Variants in TMEM67 observed in about 807,000 individuals in gnomAD.
The protein encoded by TMEM67 is meckelin.
TMEM67 carries 124 observed loss-of-function variants against 136.6 expected under a neutral mutation model. That is an observed-to-expected ratio of 0.91 (90% confidence interval 0.78 to 1.05). The LOEUF (loss-of-function observed/expected upper bound fraction) is 1.05, where lower values mean the gene tolerates loss of function less well. Among genes scored for constraint, TMEM67 ranks in the 50% least tolerant of loss-of-function variants. The pLI, the probability that TMEM67 is intolerant of heterozygous loss-of-function variation, is 0.00. For synonymous variants in TMEM67, 364 were observed against 390.5 expected (o/e 0.93, Z 0.80); for missense variants, 1,107 against 1,178.4 (o/e 0.94, Z 0.89).
At chr8:93,788,529 TCC>T (rs1814225128) in intron 14 of TMEM67, among the ~76,000 whole-genome samples, 1 of 152,162 alleles carries the variant, frequency 6.6e-6, no homozygotes, top group South Asian at 2.1e-4. Context: ...GCCACTGCAC[TCC>T]AGCCTGGGCG....
chr8:93,816,547 T>G lies in TMEM67; in HGVS notation c.*95T>G. 1.5e-6 allele frequency: 1 copy of G among 666,422 alleles called. No homozygotes were observed. Among genetic ancestry groups the G allele is most frequent in the Non-Finnish European group, 2.7e-6 (1 of 368,682 alleles). 41.3% of individuals were successfully genotyped at this position (666,422 alleles called of 1,614,324 possible). ...TTGCCATATTTTTTAAAACTTATAA[T>G]GCAGACTATTCTGTTTTTGTTTTTT... is the stretch of plus-strand genomic sequence containing the variant. On this transcript the variant is annotated 3_prime_UTR_variant, in exon 28 of 28. Transcript: ENST00000453321.
chr8:93,793,638 A>G (rs1435645146), intron 16 of TMEM67, among the ~76,000 whole-genome samples: 2 of 152,118 alleles, frequency 1.3e-5, no homozygotes, highest in Non-Finnish European at 2.9e-5. Context: ...CTTCATATAC[A>G]TTTTAATCGT....
intron 22 of TMEM67, among the ~76,000 whole-genome samples, chr8:93,804,305 CTTTTCT>C (rs1441788330): frequency 1.1e-5 from 1 of 90,074 alleles, no homozygotes; most frequent in Admixed American, 1.4e-4. Flanking sequence ...TTTCTCTTTT[CTTTTCT>C]TTTTTTTTTT....
In TMEM67 at chr8:93,769,232, G is replaced by A. The variant is rs559161300; in HGVS notation, c.652-3357G>A. Among the ~76,000 whole-genome samples, 13 of 152,314 alleles carry A rather than the reference G, an allele frequency of 8.5e-5. No individual in the cohort carries two copies. In the East Asian group the frequency reaches 2.3e-3, roughly 27 times the overall value. On this transcript the variant is annotated intron_variant, in intron 6 of 27. Coordinates refer to ENST00000453321, the MANE Select transcript of TMEM67 (RefSeq NM_153704.6). ...ACCTTGAAGAAGGGCTGCCTGCAAG[G>A]CAACGGCCATAGGAGGCGAGCAAGG...
At chr8:93,758,842 T>G in intron 3 of TMEM67, 1 of 394,192 alleles carries the variant, frequency 2.5e-6, no homozygotes, top group Non-Finnish European at 4.6e-6. Flanking sequence ...CGAGAGATCT[T>G]CCTGCCTCAG....
At chr8:93,782,277 C>A in intron 10 of TMEM67, 118 bp from the exon 11 acceptor site, 2 of 774,708 alleles carry the variant, frequency 2.6e-6, no homozygotes, top group Non-Finnish European at 4.4e-6. Context: ...CTTTTCATAT[C>A]CTTGATACAT....
intron 12 of TMEM67, 107 bp downstream of exon 12, chr8:93,785,485 C>A (rs1040227117): frequency 2.5e-6 from 3 of 1,181,412 alleles, no homozygotes; most frequent in Non-Finnish European, 2.5e-6. Context: ...GTCATGAATT[C>A]TCTCTTATGT....
intron 18 of TMEM67, 52 bp downstream of exon 18, chr8:93,796,039 A>G (rs776803349): frequency 6.1e-6 from 7 of 1,150,490 alleles, no homozygotes; most frequent in Admixed American, 5.4e-5. Flanking sequence ...TAATGAACTA[A>G]CAAGTCTTTA....
chr8:93,770,220 G>A (rs1813270303), intron 6 of TMEM67, among the ~76,000 whole-genome samples: 1 of 152,030 alleles, frequency 6.6e-6, no homozygotes, highest in African/African-American at 2.4e-5. Flanking sequence ...TTATCTCTCT[G>A]TATATATGTA....
chr8:93,763,835 T>C lies in TMEM67; in HGVS notation c.407-7T>C, dbSNP rs753153037. 3 of 1,598,514 alleles carry C rather than the reference T, an allele frequency of 1.9e-6. No homozygotes were observed. The highest frequency in any genetic ancestry group is 2.2e-5 in the South Asian group (2 of 90,712). On this transcript the variant is annotated splice_region_variant and splice_polypyrimidine_tract_variant and intron_variant, in intron 3 of 27. Transcript: ENST00000453321. ...TTACATCTTTATTTTGTTTCTAAAC[T>C]GTTCAGTGGAAAGAGACATTAATGG...
At chr8:93,808,539 A>AATAT (rs1808555313) in intron 23 of TMEM67, among the ~76,000 whole-genome samples, 1 of 89,930 alleles carries the variant, frequency 1.1e-5, no homozygotes, top group African/African-American at 3.5e-5. Flanking sequence ...ATATATCTAT[A>AATAT]ATCTATATAT....
chr8:93,799,061 C>A (rs536195651), intron 20 of TMEM67, among the ~76,000 whole-genome samples: 10 of 151,544 alleles, frequency 6.6e-5, no homozygotes, highest in African/African-American at 2.2e-4. Flanking sequence ...ATATTGGATT[C>A]AGTATAATCA....
chr8:93,784,025 A>G (rs768523304), intron 11 of TMEM67, among the ~76,000 whole-genome samples: 2 of 152,256 alleles, frequency 1.3e-5, no homozygotes, highest in Non-Finnish European at 2.9e-5. Context: ...GCACAACCAT[A>G]GAACAAAACC....
rs200477047 is a variant in TMEM67, at chr8:93,809,839, C to A, written c.2716C>A (p.Leu906Ile). The change falls in exon 26 of 28, where the codon CTT (leucine) becomes ATT (isoleucine). Residue 906 changes from leucine to isoleucine, a missense_variant. Physicochemically the swap from Leu to Ile is conservative, Grantham distance 5. Transcript: ENST00000453321. ...IKDKLLLERI[L>I]GMEFMEPMEK... Reference sequence around the variant, plus strand: ...AGATAAGTTGCTTCTTGAAAGAATTCTTGGAATGGAATTCATGGAACCAAT... The same window carrying A: ...AGATAAGTTGCTTCTTGAAAGAATTATTGGAATGGAATTCATGGAACCAAT... 2 of 1,608,762 alleles carry A rather than the reference C, an allele frequency of 1.2e-6. No homozygotes were observed. Among genetic ancestry groups the A allele is most frequent in the African/African-American group, 1.3e-5 (1 of 74,860 alleles).
intron 27 of TMEM67, among the ~76,000 whole-genome samples, chr8:93,816,169 A>G (rs1808898524): frequency 1.3e-5 from 2 of 152,188 alleles, no homozygotes; most frequent in Admixed American, 6.5e-5. Flanking sequence ...ATTCATAAGA[A>G]TTTACTCTAA....
At position 93,780,623 on chromosome 8, in the gene TMEM67, C is replaced by A. The variant is rs1379415709; in HGVS notation, c.745C>A (p.Leu249Ile). ...VYANLTSCQA[L>I]GNMCVMNMNS... ...TGCCAATCTAACATCTTGTCAAGCTCTTGGAAATATGTGTGTGATGAACAT... is the reference window on the plus strand; with the variant it reads ...TGCCAATCTAACATCTTGTCAAGCTATTGGAAATATGTGTGTGATGAACAT... The change falls in exon 8 of 28, where the codon CTT becomes ATT. Residue 249 changes from leucine to isoleucine, a missense_variant. Coordinates refer to ENST00000453321, the MANE Select transcript of TMEM67 (RefSeq NM_153704.6). 1 of 1,614,096 alleles carries A rather than the reference C, an allele frequency of 6.2e-7. No individual in the cohort carries two copies. The highest frequency in any genetic ancestry group is 1.1e-5 in the South Asian group (1 of 91,070).
chr8:93,757,362 G>A (rs963551234), intron 2 of TMEM67, among the ~76,000 whole-genome samples: 2 of 152,048 alleles, frequency 1.3e-5, no homozygotes, highest in Non-Finnish European at 2.9e-5. Flanking sequence ...ACTAGGCCGG[G>A]CGCGGTGGCT....
At chr8:93,828,742 C>CA in the TMEM67 span, among the ~76,000 whole-genome samples, 21,526 of 88,984 alleles carry the variant, frequency 0.24, 1,831 homozygotes, top group Middle Eastern at 0.27. Flanking sequence ...AAGACTGTCT[C>CA]AAAAAAAAAA....
intron 26 of TMEM67, among the ~76,000 whole-genome samples, chr8:93,810,865 A>G (rs974477977): frequency 6.6e-6 from 1 of 152,186 alleles, no homozygotes; most frequent in African/African-American, 2.4e-5. Flanking sequence ...TTAATTTTTT[A>G]TCTTATCCAA....
Sources: gnomAD v4.1 joint callset for allele counts (sites outside exome capture counted in the v4.1 genomes callset) on GRCh38, gnomAD v4.1.1 for gene constraint, MANE v1.5 for transcripts, NCBI Gene and HGNC (gene_info 2026-07-23, HGNC 2026-07-21) for gene names.